NES: variants seen among roughly 807,000 people sequenced by gnomAD.
NES encodes nestin.
A neutral mutation model predicts 35.6 loss-of-function variants in NES; 27 were observed. That is an observed-to-expected ratio of 0.76 (90% CI 0.56 to 1.04). NES has a LOEUF of 1.04. NES is among the 50% of genes least tolerant of loss of function. The pLI is 0.00. For synonymous variants in NES, 822 were observed against 824.2 expected, an observed-to-expected ratio of 1.00 and a Z score of 0.04; for missense variants, 1,867 against 1,983.6, an observed-to-expected ratio of 0.94 and a Z score of 1.12.
chr1:156,675,140 C>T, intron 2 of NES, 76 bp downstream of exon 2: 2 of 1,544,194 alleles, frequency 1.3e-6, no homozygotes, highest in African/African-American at 1.4e-5. Context: ...CACCTCTGGT[C>T]CCCTTCAGCC....
Position 156,670,405 on chromosome 1 carries a change from GCT to G in NES, c.3781_3782del (p.Ser1261ArgfsTer29), listed in dbSNP as rs772695309. The G allele has an allele frequency of 6.3e-7, 1 of 1,578,022 alleles. No homozygotes were observed. The highest frequency in any genetic ancestry group is 1.2e-5 in the South Asian group (1 of 84,684). Reference protein sequence around the residue: ...GRAEALGKVESEQEELGSGEI... With the variant: ...GRAEALGKVEXEQEELGSGEI... ...CCCCAGAACCCAACTCCTCCTGCTC[GCT>G]CTCTACTTTCCCCAGGGCTTCAGCC... On this transcript the variant is annotated frameshift_variant, in exon 4 of 4. Coordinates refer to ENST00000368223, the MANE Select transcript of NES (RefSeq NM_006617.2). LOFTEE classifies it low-confidence loss of function (END_TRUNC).
rs193220611 is a variant in NES at position 156,676,130 on chromosome 1, G to C, written c.783+352C>G. Among the ~76,000 whole-genome samples the C allele has an allele frequency of 5.5e-3, 833 of 152,348 alleles. 3 individuals are homozygous for C. Among genetic ancestry groups the C allele is most frequent in the Non-Finnish European group, 9.1e-3 (617 of 68,024 alleles). On this transcript the variant is annotated intron_variant, in intron 1 of 3. Coordinates refer to ENST00000368223, the MANE Select transcript of NES (RefSeq NM_006617.2). The surrounding 1 kb of genome is among the most constrained non-coding windows in gnomAD (Gnocchi z 5.3). ...GAGTGGCCAGGCCACCAGATTCAGC[G>C]CAGAGGCGACAGTGCTGGGTGTCCT...
rs1490388380 is a variant in NES at position 156,670,447 on chromosome 1, C to G, written c.3741G>C (p.Trp1247Cys). ...GGGCTTCAGCCCTCCCCTGCACCCC[C>G]CAGCTAGCCTCCTGACTCCCTTCAG... ...PQAEGSQEAS[W>C]GVQGRAEALG... The change falls in exon 4 of 4, where the codon TGG (tryptophan) becomes TGC (cysteine). Residue 1247 changes from tryptophan to cysteine, a missense_variant. Coordinates refer to ENST00000368223, the MANE Select transcript of NES (RefSeq NM_006617.2). 1.3e-6 allele frequency: 2 copies of G among 1,560,544 alleles called. No homozygotes were observed. Among genetic ancestry groups the G allele is most frequent in the Admixed American group, 1.9e-5 (1 of 53,010 alleles).
chr1:156,670,104 C>T lies in NES; in HGVS notation c.4084G>A (p.Asp1362Asn). The change falls in exon 4 of 4, where the codon GAC becomes AAC. Residue 1362 changes from aspartate (D) to asparagine (N), a missense_variant. Physicochemically the swap from Asp to Asn is conservative, Grantham distance 23 (BLOSUM62 1). Transcript: ENST00000368223. ...TCAAATTCTTCTGACAGGTCAGAGT[C>T]ACGGCCACACTCCTCTTCTCCCTCC... ...GEEGEEECGRDSDLSEEFEDL... is the reference protein window; with the variant it reads ...GEEGEEECGRNSDLSEEFEDL... 6.2e-7 allele frequency: 1 copy of T among 1,614,046 alleles called. No homozygotes were observed. The highest frequency in any genetic ancestry group is 1.6e-4 in the Middle Eastern group (1 of 6,062).
At position 156,669,652 on chromosome 1, in the gene NES, T is replaced by C. The variant is rs757767864; in HGVS notation, c.4536A>G (p.Lys1512=). Reference sequence around the variant, plus strand: ...TGGGGATCTCTAGAGGGCCAGGGACTTTGTCCTCCCTCTCCAAGGAAACAG... The same window carrying C: ...TGGGGATCTCTAGAGGGCCAGGGACCTTGTCCTCCCTCTCCAAGGAAACAG... ...SDPVSLERED[K]VPGPLEIPSG... The change falls in exon 4 of 4, where the codon AAA becomes AAG. Residue 1512 remains lysine, a synonymous_variant. Coordinates refer to ENST00000368223, the MANE Select transcript of NES (RefSeq NM_006617.2). The C allele has an allele frequency of 6.2e-7, 1 of 1,614,080 alleles. No homozygotes were observed. The highest frequency in any genetic ancestry group is 8.5e-7 in the Non-Finnish European group (1 of 1,179,962).
At position 156,669,849 on chromosome 1, in the gene NES, G is replaced by A; in HGVS notation, c.4339C>T (p.Gln1447Ter). 3.7e-6 allele frequency: 6 copies of A among 1,613,874 alleles called. No homozygotes were observed. The highest frequency in any genetic ancestry group is 5.1e-6 in the Non-Finnish European group (6 of 1,179,938). The change falls in exon 4 of 4, where the codon CAG becomes TAG. Residue 1447 changes from glutamine to a stop codon, truncating the protein, a stop_gained. Transcript: ENST00000368223. LOFTEE classifies it low-confidence loss of function (END_TRUNC). ...WGPGSSVGSL[Q>*]ALSSSQRGEF... ...CCTCTCTGGGAGCTACTCAGGGCCT[G>A]GAGGCTGCCAACAGAAGACCCTGGC...
At position 156,669,108 on chromosome 1, in the gene NES, C is replaced by T; in HGVS notation, c.*214G>A. ...TGGAGCAGGCAAGAGATTCCCTTTG[C>T]AGGGTGGGAGGTTATATTCCTACAG... On this transcript the variant is annotated 3_prime_UTR_variant, in exon 4 of 4. Coordinates refer to ENST00000368223, the MANE Select transcript of NES (RefSeq NM_006617.2). 2.3e-6 allele frequency: 1 copy of T among 432,750 alleles called. No individual in the cohort carries two copies. Among genetic ancestry groups the T allele is most frequent in the Non-Finnish European group, 4.1e-6 (1 of 245,492 alleles). 26.8% of individuals were successfully genotyped at this position (432,750 alleles called of 1,614,324 possible).
In NES at chr1:156,672,282, T is replaced by A. The variant is rs573893589; in HGVS notation, c.1906A>T (p.Met636Leu). Reference sequence around the variant, plus strand: ...TCTAGATTACCTTCAAGAGATTTCATTAGTTCTTGATTCTCCTTTTGCAGG... The same window carrying A: ...TCTAGATTACCTTCAAGAGATTTCAATAGTTCTTGATTCTCCTTTTGCAGG... ...QSLQKENQEL[M>L]KSLEGNLETF... Residue 636 changes from methionine (M) to leucine (L), a missense_variant, in exon 4 of 4, where the codon ATG becomes TTG. Physicochemically the swap from Met to Leu is conservative, Grantham distance 15. Transcript: ENST00000368223. 1 of 1,602,416 alleles carries A rather than the reference T, an allele frequency of 6.2e-7. No homozygotes were observed.
rs146225873 is a variant in NES, at chr1:156,671,584, T to C, written c.2604A>G (p.Gln868=). 2.7e-5 allele frequency: 43 copies of C among 1,613,880 alleles called. No individual in the cohort carries two copies. In the African/African-American group the frequency reaches 5.6e-4, roughly 21 times the overall value. The change falls in exon 4 of 4, where the codon CAA becomes CAG. Residue 868 remains glutamine (Q), a synonymous_variant. Transcript: ENST00000368223. ...GAMNPLEKEI[Q]EPLESVEVNQ... ...TCACTTCCACAGACTCCAGTGGTTC[T>C]TGAATTTCCTTTTCTAGAGGATTCA...
Position 156,673,010 on chromosome 1 carries a change from G to A in NES, c.1178C>T (p.Thr393Ile). 6.2e-7 allele frequency: 1 copy of A among 1,612,282 alleles called. No homozygotes were observed. The highest frequency in any genetic ancestry group is 8.5e-7 in the Non-Finnish European group (1 of 1,178,616). Residue 393 changes from threonine (T) to isoleucine (I), a missense_variant, in exon 4 of 4, where the codon ACA (threonine) becomes ATA (isoleucine). Physicochemically the swap from Thr to Ile is moderately conservative, Grantham distance 89. Transcript: ENST00000368223. ...TACAGCAGGAGAGGGTGCCTGAGGT[G>A]TGGGGGGGATGGGGGTGCTGGCCAA... ...PTLASTPIPPTPQAPSPAVDA... is the reference protein window; with the variant it reads ...PTLASTPIPPIPQAPSPAVDA...
In NES at chr1:156,670,953, A is replaced by T; in HGVS notation, c.3235T>A (p.Ser1079Thr). 7.1e-7 allele frequency: 1 copy of T among 1,408,980 alleles called. No homozygotes were observed. Among genetic ancestry groups the T allele is most frequent in the Non-Finnish European group, 9.5e-7 (1 of 1,054,374 alleles). 87.3% of individuals were successfully genotyped at this position (1,408,980 alleles called of 1,614,324 possible). The change falls in exon 4 of 4, where the codon TCC becomes ACC. Residue 1079 changes from serine to threonine, a missense_variant. By Grantham distance (58) the Ser-to-Thr change is moderately conservative. Coordinates refer to ENST00000368223, the MANE Select transcript of NES (RefSeq NM_006617.2). ...DDVAPGGDQA[S>T]PEVMLGSEPA... ...TCTGACCCCAACATGACCTCTGGGG[A>T]GGCTTGGTCACCCCCTGGGGCCACA...
chr1:156,676,455 T>G lies in NES; in HGVS notation c.783+27A>C. 1 of 1,595,450 alleles carries G rather than the reference T, an allele frequency of 6.3e-7. No individual in the cohort carries two copies. The highest frequency in any genetic ancestry group is 2.2e-5 in the East Asian group (1 of 44,772). On this transcript the variant is annotated intron_variant, in intron 1 of 3. Transcript: ENST00000368223. The surrounding 1 kb of genome is among the most constrained non-coding windows in gnomAD (Gnocchi z 5.3). ...CTTTCTGGAGCTTTCTGGGACTTTC[T>G]CTCACCCAGGCCCTCAACCTCCTCA...
Position 156,670,859 on chromosome 1 carries a change from T to TCCCCCCC in NES, c.3328_3329insGGGGGGG (p.Asp1110GlyfsTer34). 1 of 1,609,350 alleles carries TCCCCCCC rather than the reference T, an allele frequency of 6.2e-7. No individual in the cohort carries two copies. Among genetic ancestry groups the TCCCCCCC allele is most frequent in the Non-Finnish European group, 8.5e-7 (1 of 1,176,944 alleles). On this transcript the variant is annotated frameshift_variant, in exon 4 of 4. Transcript: ENST00000368223. LOFTEE classifies it low-confidence loss of function (END_TRUNC). ...CTCTTCCCTGGTCAGATGGCCTGGG[T>TCCCCCCC]CCCCCAGCCCTCCCACCCCCTGCCC...
In NES at chr1:156,669,352, A is replaced by G. The variant is rs1331043639; in HGVS notation, c.4836T>C (p.Asp1612=). The stretch of plus-strand genomic sequence containing the variant: ...CCTCCCCTGAGGACCAGGACTCTCT[A>G]TCTCCTTCCCTCTGAGTGAACTTCA... ...QFLKFTQREG[D]RESWSSGED Residue 1612 remains aspartate (D), a synonymous_variant, in exon 4 of 4, where the codon GAT becomes GAC. Transcript: ENST00000368223. The G allele has an allele frequency of 4.4e-6, 7 of 1,592,844 alleles. No homozygotes were observed. Among genetic ancestry groups the G allele is most frequent in the African/African-American group, 2.7e-5 (2 of 74,226 alleles).
In NES at chr1:156,671,124, G is replaced by C; in HGVS notation, c.3064C>G (p.Gln1022Glu). Residue 1022 changes from glutamine to glutamate, a missense_variant, in exon 4 of 4, where the codon CAG becomes GAG. Gln to Glu is a conservative substitution (Grantham distance 29). Transcript: ENST00000368223. ...GHPESPEPKE[Q>E]RGLVEGASVK... ...CTGGCTCCCTCAACCAGGCCTCTCTGCTCTTTGGGCTCAGGGCTCTCTGGG... is the reference window on the plus strand; with the variant it reads ...CTGGCTCCCTCAACCAGGCCTCTCTCCTCTTTGGGCTCAGGGCTCTCTGGG... 5 of 1,614,110 alleles carry C rather than the reference G, an allele frequency of 3.1e-6. No individual in the cohort carries two copies. The Middle Eastern group carries it at 8.2e-4, about 266-fold the overall frequency.
rs1203023418 is a variant in NES, at chr1:156,671,215, C to T, written c.2973G>A (p.Lys991=). Residue 991 remains lysine, a synonymous_variant, in exon 4 of 4, where the codon AAG becomes AAA. Transcript: ENST00000368223. ...GCTCTCCCTGCTCTACCACCTCCTC[C>T]TTCCCAGTGAAGCCATCCTGCTCCC... ...NLREQDGFTG[K]EEVVEQGELN... 2.5e-6 allele frequency: 4 copies of T among 1,614,192 alleles called. No homozygotes were observed. The highest frequency in any genetic ancestry group is 3.3e-5 in the Admixed American group (2 of 60,032).
In NES at chr1:156,677,048, C is replaced by T. The variant is rs754083822; in HGVS notation, c.217G>A (p.Glu73Lys). The T allele has an allele frequency of 6.2e-5, 98 of 1,592,880 alleles. No homozygotes were observed. Among genetic ancestry groups the T allele is most frequent in the Non-Finnish European group, 8.0e-5 (94 of 1,172,390 alleles). Reference sequence around the variant, plus strand: ...CGCGCCACCTCGGCCGCGTGCTTCTCCCGCCAGCGTTGGTCAACGAGGGCC... The same window carrying T: ...CGCGCCACCTCGGCCGCGTGCTTCTTCCGCCAGCGTTGGTCAACGAGGGCC... ...LRALVDQRWR[E>K]KHAAEVARDN... The change falls in exon 1 of 4, where the codon GAG (glutamate) becomes AAG (lysine). Residue 73 changes from glutamate to lysine, a missense_variant. Coordinates refer to ENST00000368223, the MANE Select transcript of NES (RefSeq NM_006617.2). This position sits in a 1 kb window ranked among gnomAD's most constrained non-coding sequence, Gnocchi z 4.5.
chr1:156,671,473 A>G lies in NES; in HGVS notation c.2715T>C (p.Ser905=). 6.2e-7 allele frequency: 1 copy of G among 1,613,832 alleles called. No individual in the cohort carries two copies. Among genetic ancestry groups the G allele is most frequent in the Non-Finnish European group, 8.5e-7 (1 of 1,180,014 alleles). The change falls in exon 4 of 4, where the codon TCT becomes TCC. Residue 905 remains serine (S), a synonymous_variant. Coordinates refer to ENST00000368223, the MANE Select transcript of NES (RefSeq NM_006617.2). ...GACTTTCCTTGTCTACCTCCTCTGG[A>G]GATCTCAAATTCTCCAGGTTCCATG... ...LGAWNLENLR[S]PEEVDKESQR... is the part of the protein sequence containing the mutation.
intron 2 of NES, among the ~76,000 whole-genome samples, chr1:156,674,003 C>G (rs540868503): frequency 6.6e-6 from 1 of 152,298 alleles, no homozygotes; most frequent in South Asian, 2.1e-4. Context: ...CTCCTCCTTC[C>G]CCGGTGGCCC....
Sources: gnomAD v4.1 joint callset for allele counts (sites outside exome capture counted in the v4.1 genomes callset) on GRCh38, gnomAD v4.1.1 for gene constraint, Gnocchi (gnomAD v3.1) non-coding constraint, MANE v1.5 for transcripts, NCBI Gene and HGNC (gene_info 2026-07-23, HGNC 2026-07-21) for gene names.